The following BANK1 variants were observed in gnomAD, a reference collection of about 807,000 sequenced individuals.
BANK1 encodes the protein B cell scaffold protein with ankyrin repeats 1, also known as B-cell scaffold protein with ankyrin repeats.
Under a neutral mutation model 94.5 loss-of-function variants are expected in BANK1, and 95 were observed. The observed-to-expected ratio is 1.00, with a 90% CI of 0.85 to 1.19. BANK1 has a LOEUF of 1.19. Among genes scored for constraint, BANK1 ranks in the 50% most tolerant of loss-of-function variants. The pLI is 0.00. For synonymous variants in BANK1, 334 were observed against 308.4 expected, an observed-to-expected ratio of 1.08 and a Z score of -0.87; for missense variants, 987 against 932.2, an observed-to-expected ratio of 1.06 and a Z score of -0.77.
intron 13 of BANK1, among the ~76,000 whole-genome samples, chr4:102,067,134 T>TA (rs1028596268): frequency 2.0e-5 from 3 of 151,738 alleles, no homozygotes; most frequent in African/African-American, 4.8e-5. Context: ...AGAAATCAGT[T>TA]AAAAAATAGA....
chr4:101,995,231 T>G (rs1217021866), intron 7 of BANK1, among the ~76,000 whole-genome samples: 1 of 152,172 alleles, frequency 6.6e-6, no homozygotes, highest in African/African-American at 2.4e-5. Flanking sequence ...TTGCTGAGAA[T>G]GATGGTTTCC....
intron 7 of BANK1, among the ~76,000 whole-genome samples, chr4:101,998,162 A>G (rs1304894285): frequency 1.3e-5 from 2 of 151,996 alleles, no homozygotes; most frequent in African/African-American, 2.4e-5. Flanking sequence ...TTATGCCTTA[A>G]TTTCGTTATT....
chr4:102,036,067 C>A (rs1342796402), intron 10 of BANK1, among the ~76,000 whole-genome samples: 1 of 152,200 alleles, frequency 6.6e-6, no homozygotes, highest in African/African-American at 2.4e-5. Context: ...GGGCAATTTT[C>A]TATTTTCCTC....
rs1346048585 is a variant in BANK1, at chr4:101,835,640, T to C, written c.469+5434T>C. Among the ~76,000 whole-genome samples, 4 of 152,202 alleles carry C rather than the reference T, an allele frequency of 2.6e-5. 1 individual carries two copies. The highest frequency in any genetic ancestry group is 4.1e-4 in the South Asian group (2 of 4,830). On this transcript the variant is annotated intron_variant, in intron 2 of 16. Coordinates refer to ENST00000322953, the MANE Select transcript of BANK1 (RefSeq NM_017935.5). ...CAAACAACAGAACAGAAACAAACTATGCAGAAGCATTGTTTTCCTTTCTTT... is the reference window on the plus strand; with the variant it reads ...CAAACAACAGAACAGAAACAAACTACGCAGAAGCATTGTTTTCCTTTCTTT...
rs1016833885 is a variant in BANK1 at position 101,841,192 on chromosome 4, TA to T, written c.469+10995del. Reference sequence around the variant, plus strand: ...CTAATTATAAAAATAATACTCATTGTAAAAAAAAATCTGAATAGTACAGAGA... The same window carrying T: ...CTAATTATAAAAATAATACTCATTGTAAAAAAAATCTGAATAGTACAGAGA... On this transcript the variant is annotated intron_variant, in intron 2 of 16. Coordinates refer to ENST00000322953, the MANE Select transcript of BANK1 (RefSeq NM_017935.5). 8.6e-5 allele frequency among the ~76,000 whole-genome samples: 13 copies of T among 151,502 alleles called. No individual in the cohort carries two copies. In the East Asian group the frequency reaches 1.4e-3, roughly 16 times the overall value.
intron 6 of BANK1, 73 bp downstream of exon 6, chr4:101,895,483 A>T: frequency 1.1e-6 from 1 of 881,740 alleles, no homozygotes; most frequent in Non-Finnish European, 1.8e-6. Context: ...AATGAATGTT[A>T]TAACCAAAAA....
At chr4:101,860,240 A>C (rs1727816481) in intron 3 of BANK1, among the ~76,000 whole-genome samples, 1 of 152,184 alleles carries the variant, frequency 6.6e-6, no homozygotes, top group Non-Finnish European at 1.5e-5. Context: ...TTACAGCAGA[A>C]TATTAAACCA....
At chr4:101,899,715 A>T (rs1174499763) in intron 6 of BANK1, among the ~76,000 whole-genome samples, 2 of 152,202 alleles carry the variant, frequency 1.3e-5, no homozygotes, top group Non-Finnish European at 2.9e-5. Context: ...AAGGGAGAGA[A>T]AAAAGGAAAA....
intron 2 of BANK1, among the ~76,000 whole-genome samples, chr4:101,852,864 T>G (rs922961315): frequency 2.6e-5 from 4 of 152,144 alleles, no homozygotes; most frequent in African/African-American, 9.7e-5. Context: ...AAATAACTTT[T>G]TTTTACCTAA....
chr4:102,007,580 A>G (rs1726348222), intron 7 of BANK1, among the ~76,000 whole-genome samples: 1 of 152,138 alleles, frequency 6.6e-6, no homozygotes, highest in South Asian at 2.1e-4. Context: ...ACGTAGACAA[A>G]TGTAAAAATA....
At chr4:101,904,359 A>G (rs912012114) in intron 6 of BANK1, among the ~76,000 whole-genome samples, 3 of 152,174 alleles carry the variant, frequency 2.0e-5, no homozygotes, top group African/African-American at 7.2e-5. Flanking sequence ...TTCCAAGGGG[A>G]AAATGTTGGA....
chr4:101,919,233 A>G (rs1236048919), intron 7 of BANK1, among the ~76,000 whole-genome samples: 2 of 151,892 alleles, frequency 1.3e-5, no homozygotes, highest in African/African-American at 2.4e-5. Flanking sequence ...CTTTAACTCT[A>G]TACAACTCTA....
chr4:102,014,040 C>A (rs2148943489), intron 7 of BANK1, among the ~76,000 whole-genome samples: 1 of 152,144 alleles, frequency 6.6e-6, no homozygotes, highest in South Asian at 2.1e-4. Flanking sequence ...TCCTTCAGTT[C>A]ATGTAATTAA....
intron 3 of BANK1, among the ~76,000 whole-genome samples, chr4:101,861,843 A>T (rs1178137075): frequency 6.6e-6 from 1 of 152,068 alleles, no homozygotes; most frequent in African/African-American, 2.4e-5. Flanking sequence ...TTTCATTCCT[A>T]GTATTTTTTC....
At chr4:102,007,135 A>AATATATATTTTATATATATATAT (rs1726318031) in intron 7 of BANK1, among the ~76,000 whole-genome samples, 2 of 54,338 alleles carry the variant, frequency 3.7e-5, no homozygotes, top group African/African-American at 1.8e-4. Flanking sequence ...TATATATATA[A>AATATATATTTTATATATATATAT]AAAATATATT....
At chr4:102,037,388 T>C (rs1340930099) in intron 10 of BANK1, among the ~76,000 whole-genome samples, 2 of 152,214 alleles carry the variant, frequency 1.3e-5, no homozygotes, top group African/African-American at 4.8e-5. Context: ...TATTTATAGA[T>C]GAAATCACAG....
chr4:101,791,013 C>T (rs1229458086), intron 1 of BANK1, 63 bp downstream of exon 1: 9 of 1,320,682 alleles, frequency 6.8e-6, no homozygotes, highest in Non-Finnish European at 9.0e-6. Flanking sequence ...TCTGCGGAGA[C>T]CACGGGCCAT....
chr4:102,012,965 CA>C (rs766777400), intron 7 of BANK1, among the ~76,000 whole-genome samples: 22 of 152,082 alleles, frequency 1.4e-4, no homozygotes, highest in Middle Eastern at 3.4e-3. Flanking sequence ...CAAATTAAAG[CA>C]ACTTTTTGAA....
chr4:102,015,675 A>G (rs986080959), intron 7 of BANK1, among the ~76,000 whole-genome samples: 4 of 152,166 alleles, frequency 2.6e-5, no homozygotes, highest in African/African-American at 7.2e-5. Context: ...GCAGAAACTT[A>G]CATGCCATGT....
Sources: allele counts gnomAD v4.1 joint callset (sites outside exome capture counted in the v4.1 genomes callset), GRCh38; gene constraint gnomAD v4.1.1; transcripts MANE v1.5; gene names NCBI Gene and HGNC (gene_info 2026-07-23, HGNC 2026-07-21).